ABCC12: variants seen among roughly 807,000 people sequenced by gnomAD.
ABCC12 encodes ATP-binding cassette sub-family C member 12.
A neutral mutation model predicts 151.1 loss-of-function variants in ABCC12; 142 were observed. The ratio of observed to expected loss-of-function variants is 0.94; its 90% CI spans 0.82 to 1.08. The LOEUF (loss-of-function observed/expected upper bound fraction) is 1.08, where lower values mean the gene tolerates loss of function less well. ABCC12 is among the 50% of genes least tolerant of loss of function. ABCC12 has a pLI of 0.00. For synonymous variants in ABCC12, 645 were observed against 646.4 expected (o/e 1.00, Z 0.03); for missense variants, 1,638 against 1,691.1 (o/e 0.97, Z 0.55).
At chr16:48,134,524 A>C (rs962586209) in intron 8 of ABCC12, among the ~76,000 whole-genome samples, 1 of 152,214 alleles carries the variant, frequency 6.6e-6, no homozygotes, top group Non-Finnish European at 1.5e-5. Context: ...CCCCCATCCA[A>C]TTGATCCATT....
intron 24 of ABCC12, 45 bp from the exon 25 acceptor site, chr16:48,091,254 T>C (rs1183223239): frequency 1.3e-6 from 2 of 1,572,322 alleles, no homozygotes; most frequent in African/African-American, 1.3e-5. Flanking sequence ...CCCTTCCTCC[T>C]TCGGGTTCTG....
At chr16:48,140,644 C>G in intron 6 of ABCC12, 43 bp downstream of exon 6, 12 of 1,583,896 alleles carry the variant, frequency 7.6e-6, no homozygotes, top group Non-Finnish European at 1.0e-5. Context: ...TCAAACCACT[C>G]AGGGCCCATT....
intron 8 of ABCC12, among the ~76,000 whole-genome samples, chr16:48,136,107 G>A (rs1231683455): frequency 6.6e-6 from 1 of 152,198 alleles, no homozygotes; most frequent in Non-Finnish European, 1.5e-5. Context: ...TGCTTGCGCA[G>A]GTTTGCTTCA....
At chr16:48,145,447 C>T (rs1964965139) in intron 3 of ABCC12, among the ~76,000 whole-genome samples, 1 of 152,196 alleles carries the variant, frequency 6.6e-6, no homozygotes, top group Non-Finnish European at 1.5e-5. Flanking sequence ...TCAAAAATGA[C>T]CCCGTTTTCT....
chr16:48,149,633 C>G (rs1025831672), intron 2 of ABCC12, among the ~76,000 whole-genome samples: 6 of 145,140 alleles, frequency 4.1e-5, no homozygotes, highest in African/African-American at 1.1e-4. Context: ...TTGATAAATT[C>G]TAGTACACTG....
Position 48,105,344 on chromosome 16 carries a change from G to A in ABCC12, c.2476-8C>T, listed in dbSNP as rs1049412678. 1 of 1,597,416 alleles carries A rather than the reference G, an allele frequency of 6.3e-7. No homozygotes were observed. The highest frequency in any genetic ancestry group is 2.3e-5 in the East Asian group (1 of 44,236). On this transcript the variant is annotated splice_region_variant and splice_polypyrimidine_tract_variant and intron_variant, in intron 20 of 30. Transcript: ENST00000311303. The stretch of plus-strand genomic sequence containing the variant: ...CTGGGGCCCACAGGTCATCTTTGGA[G>A]AAAAACAAGAGAAGCACCAAGAATT...
intron 24 of ABCC12, among the ~76,000 whole-genome samples, chr16:48,091,741 C>T (rs980294204): frequency 5.3e-5 from 8 of 152,194 alleles, no homozygotes; most frequent in Non-Finnish European, 7.3e-5. Context: ...CACCTTAGGC[C>T]TGGATCTCCC....
chr16:48,111,651 G>T lies in ABCC12; in HGVS notation c.2136C>A (p.His712Gln). The T allele has an allele frequency of 6.2e-7, 1 of 1,614,140 alleles. No homozygotes were observed. The highest frequency in any genetic ancestry group is 8.5e-7 in the Non-Finnish European group (1 of 1,180,024). ...CTTCCACCATTGCTGCATTGTAAAG[G>T]TGTTCAGGATCCTGGAGACAAAATG... ...LRGLQFKDPE[H>Q]LYNAAMVEAF... The change falls in exon 17 of 31, where the codon CAC becomes CAA. Residue 712 changes from histidine to glutamine, a missense_variant. Transcript: ENST00000311303.
rs1197625638 is a variant in ABCC12 at position 48,143,806 on chromosome 16, G to A, written c.275+104C>T. 5.0e-6 allele frequency: 7 copies of A among 1,406,660 alleles called. No individual in the cohort carries two copies. The South Asian group carries it at 5.7e-5, about 12-fold the overall frequency. The allele number at this position is 1,406,660 out of a possible 1,614,324, so 87.1% of individuals were successfully genotyped here. On this transcript the variant is annotated intron_variant, in intron 4 of 30. Transcript: ENST00000311303. ...GGCCTCCCCAGTCACATGGAACTGT[G>A]AGTCCATTAAACCTCTTTTTCTTTA...
At chr16:48,119,723 G>T (rs1206586910) in intron 13 of ABCC12, among the ~76,000 whole-genome samples, 2 of 152,214 alleles carry the variant, frequency 1.3e-5, no homozygotes, top group Non-Finnish European at 2.9e-5. Flanking sequence ...CCACTGGAGA[G>T]CTGACAGCCA....
chr16:48,109,985 T>G (rs1963629734), intron 18 of ABCC12, among the ~76,000 whole-genome samples: 1 of 152,204 alleles, frequency 6.6e-6, no homozygotes, highest in Non-Finnish European at 1.5e-5. Flanking sequence ...GCATGAAATT[T>G]CACAATTACA....
At chr16:48,101,543 A>C (rs1438770654) in intron 22 of ABCC12, among the ~76,000 whole-genome samples, 1 of 151,446 alleles carries the variant, frequency 6.6e-6, no homozygotes, top group East Asian at 1.9e-4. Flanking sequence ...CCTGGTGAGC[A>C]GGAGACCAGG....
chr16:48,095,230 A>G (rs1217441073), intron 24 of ABCC12, among the ~76,000 whole-genome samples: 1 of 152,076 alleles, frequency 6.6e-6, no homozygotes, highest in Non-Finnish European at 1.5e-5. Flanking sequence ...GTCTCACGAG[A>G]GCTGATGATT....
Position 48,139,297 on chromosome 16 carries a change from C to T in ABCC12, c.697G>A (p.Glu233Lys). 6.2e-7 allele frequency: 1 copy of T among 1,613,652 alleles called. No individual in the cohort carries two copies. The highest frequency in any genetic ancestry group is 8.5e-7 in the Non-Finnish European group (1 of 1,179,904). ...GGCAAAGGACAAAACAAGGCAGCTT[C>T]AAACAAAGAATAGCTATCACTTGAC... is the stretch of plus-strand genomic sequence containing the variant. Reference protein sequence around the residue: ...ILSSDSYSLFEAALFCPLPAT... With the variant: ...ILSSDSYSLFKAALFCPLPAT... The change falls in exon 7 of 31, where the codon GAA becomes AAA. Residue 233 changes from glutamate to lysine, a missense_variant. Transcript: ENST00000311303.
chr16:48,087,817 C>A, intron 27 of ABCC12, 109 bp downstream of exon 27: 1 of 1,233,320 alleles, frequency 8.1e-7, no homozygotes. Flanking sequence ...CTGCTTCCCT[C>A]AGACAGAACA....
intron 14 of ABCC12, 149 bp from the exon 15 acceptor site, chr16:48,115,767 C>G (rs1238132946): frequency 1.2e-6 from 1 of 808,440 alleles, no homozygotes; most frequent in Non-Finnish European, 1.9e-6. Flanking sequence ...TTACAGGGCC[C>G]CCGGTCACAC....
chr16:48,117,639 G>C (rs28531369), intron 13 of ABCC12, among the ~76,000 whole-genome samples: 10,742 of 152,246 alleles, frequency 0.071, 1,262 homozygotes, highest in African/African-American at 0.25. Flanking sequence ...CACTGAGGGC[G>C]CCACCTGCTG....
chr16:48,100,538 G>C (rs1963266406), intron 23 of ABCC12, among the ~76,000 whole-genome samples: 1 of 152,104 alleles, frequency 6.6e-6, no homozygotes, highest in Non-Finnish European at 1.5e-5. Context: ...AAAATTAATA[G>C]GTTTGGGTTT....
intron 29 of ABCC12, among the ~76,000 whole-genome samples, chr16:48,085,257 G>C (rs891507719): frequency 1.3e-5 from 2 of 152,014 alleles, no homozygotes; most frequent in African/African-American, 4.8e-5. Flanking sequence ...GAGCATCCTG[G>C]GGACAGTGTA....
Sources: allele counts gnomAD v4.1 joint callset (sites outside exome capture counted in the v4.1 genomes callset), GRCh38; gene constraint gnomAD v4.1.1; transcripts MANE v1.5; gene names NCBI Gene and HGNC (gene_info 2026-07-23, HGNC 2026-07-21).